SOS1: variants seen among roughly 807,000 people sequenced by gnomAD.
SOS1 encodes the protein SOS Ras/Rac guanine nucleotide exchange factor 1, also known as son of sevenless homolog 1.
SOS1 carries 25 observed loss-of-function variants against 157.6 expected under a neutral mutation model. The ratio of observed to expected loss-of-function variants is 0.16; its 90% CI spans 0.12 to 0.22. The LOEUF (loss-of-function observed/expected upper bound fraction) is 0.22, where lower values mean the gene tolerates loss of function less well. SOS1 is among the 10% of genes least tolerant of loss of function. The pLI, the probability that SOS1 is intolerant of heterozygous loss-of-function variation, is 1.00. For missense variants in SOS1, 1,237 were observed against 1,599.1 expected (o/e 0.77, Z 3.86); for synonymous variants, 528 against 534.0 (o/e 0.99, Z 0.16).
chr2:39,095,702 T>C (rs1368514307), intron 1 of SOS1, among the ~76,000 whole-genome samples: 7 of 152,348 alleles, frequency 4.6e-5, no homozygotes, highest in Non-Finnish European at 7.3e-5. Flanking sequence ...ATTATTTCAG[T>C]TCCACATATT....
At position 39,120,691 on chromosome 2, in the gene SOS1, C is replaced by T. The variant is rs1181276089; in HGVS notation, c.-269G>A. Among the ~76,000 whole-genome samples the T allele has an allele frequency of 1.9e-4, 28 of 146,798 alleles. No individual in the cohort carries two copies. Among genetic ancestry groups the T allele is most frequent in the East Asian group, 5.9e-4 (3 of 5,110 alleles). ...CCCGCACCACCGCCCCGGGGCCAGG[C>T]CCCCCGCCCCTCCCCGGCCCGCCGG... On this transcript the variant is annotated 5_prime_UTR_variant, in exon 1 of 23. Transcript: ENST00000402219.
In SOS1 at chr2:39,007,111, A is replaced by C. The variant is rs2124503349; in HGVS notation, c.2593T>G (p.Leu865Val). 6.2e-7 allele frequency: 1 copy of C among 1,607,152 alleles called. No individual in the cohort carries two copies. Among genetic ancestry groups the C allele is most frequent in the Non-Finnish European group, 8.5e-7 (1 of 1,173,770 alleles). Residue 865 changes from leucine to valine, a missense_variant, in exon 16 of 23, where the codon TTG (leucine) becomes GTG (valine). By Grantham distance (32) the Leu-to-Val change is conservative. This residue lies in a region of SOS1 where 105 missense variants were observed against 236.0 expected (regional missense o/e 0.44). Coordinates refer to ENST00000402219, the MANE Select transcript of SOS1 (RefSeq NM_005633.4). ...IIEILQVFQE[L>V]NNFNGVLEVV... ...TCAAGGACACCATTAAAGTTGTTCAACTCTTGAAAGACTTGTAGAATCTCA... is the reference window on the plus strand; with the variant it reads ...TCAAGGACACCATTAAAGTTGTTCACCTCTTGAAAGACTTGTAGAATCTCA...
chr2:39,070,842 C>T (rs954436399), intron 1 of SOS1, among the ~76,000 whole-genome samples: 9 of 152,074 alleles, frequency 5.9e-5, no homozygotes, highest in Admixed American at 4.6e-4. Context: ...CTTTAGAAGT[C>T]ATTTAACTAA....
At chr2:39,061,435 TGGAGTGCA>T (rs1671400658) in intron 2 of SOS1, among the ~76,000 whole-genome samples, 1 of 152,186 alleles carries the variant, frequency 6.6e-6, no homozygotes, top group African/African-American at 2.4e-5. Flanking sequence ...TCACCCGAGC[TGGAGTGCA>T]ATGATGCAAT....
At chr2:39,084,890 C>G (rs1672320387) in intron 1 of SOS1, among the ~76,000 whole-genome samples, 1 of 152,126 alleles carries the variant, frequency 6.6e-6, no homozygotes, top group Non-Finnish European at 1.5e-5. Context: ...AAAAGAGTCT[C>G]TGATGATTTT....
chr2:39,001,557 A>G (rs541933796), intron 17 of SOS1, among the ~76,000 whole-genome samples: 4 of 152,350 alleles, frequency 2.6e-5, no homozygotes, highest in African/African-American at 7.2e-5. Flanking sequence ...TAGAGGAAGT[A>G]TCAGCTACTA....
Position 39,022,845 on chromosome 2 carries a change from G to A in SOS1, c.1583C>T (p.Ala528Val). The change falls in exon 10 of 23, where the codon GCC (alanine) becomes GTC (valine). Residue 528 changes from alanine to valine, a missense_variant. Ala to Val is a moderately conservative substitution (Grantham distance 64). Coordinates refer to ENST00000402219, the MANE Select transcript of SOS1 (RefSeq NM_005633.4). ...LKDENSVIFS[A>V]KSAEEKNNWM... ...ATTGTTTTTCTCTTCAGCTGACTTGGCAGAAAATATAACACTATTTTCATC... is the reference window on the plus strand; with the variant it reads ...ATTGTTTTTCTCTTCAGCTGACTTGACAGAAAATATAACACTATTTTCATC... 1 of 1,613,204 alleles carries A rather than the reference G, an allele frequency of 6.2e-7. No homozygotes were observed. The highest frequency in any genetic ancestry group is 1.1e-5 in the South Asian group (1 of 91,054).
At chr2:39,069,486 G>GT (rs1671723473) in intron 1 of SOS1, among the ~76,000 whole-genome samples, 1 of 152,132 alleles carries the variant, frequency 6.6e-6, no homozygotes, top group Non-Finnish European at 1.5e-5. Context: ...AAATAGCATT[G>GT]TAACAATCCA....
chr2:39,010,321 A>G, intron 15 of SOS1, among the ~76,000 whole-genome samples: 1 of 151,660 alleles, frequency 6.6e-6, no homozygotes. Flanking sequence ...GTCTCAAAAA[A>G]AAAAAAAAAG....
intron 1 of SOS1, among the ~76,000 whole-genome samples, chr2:39,101,693 A>AC (rs1553370084): frequency 5.3e-5 from 8 of 152,108 alleles, no homozygotes; most frequent in African/African-American, 1.9e-4. Context: ...CCTCCATAAA[A>AC]TGCTTGACAA....
At chr2:39,005,105 T>C (rs938402843) in intron 17 of SOS1, among the ~76,000 whole-genome samples, 1 of 152,210 alleles carries the variant, frequency 6.6e-6, no homozygotes, top group Non-Finnish European at 1.5e-5. Context: ...TACTAAACCC[T>C]ATACATACAT....
intron 10 of SOS1, among the ~76,000 whole-genome samples, chr2:39,019,544 G>A (rs1669730163): frequency 6.6e-6 from 1 of 151,602 alleles, no homozygotes; most frequent in Admixed American, 6.6e-5. Flanking sequence ...GATATAGTCA[G>A]CAAATTATGA....
Position 39,007,202 on chromosome 2 carries a change from A to AG in SOS1, c.2511-10_2511-9insC. The AG allele has an allele frequency of 6.9e-7, 1 of 1,453,174 alleles. No individual in the cohort carries two copies. The highest frequency in any genetic ancestry group is 9.6e-7 in the Non-Finnish European group (1 of 1,039,060). 90.0% of individuals were successfully genotyped at this position (1,453,174 alleles called of 1,614,324 possible). ...CAGTTTCTACAATACATCTGGGAAT[A>AG]AAAAAAAAGTGAACTAAAGGTTTTA... is the stretch of plus-strand genomic sequence containing the variant. On this transcript the variant is annotated splice_polypyrimidine_tract_variant and intron_variant, in intron 15 of 22. Coordinates refer to ENST00000402219, the MANE Select transcript of SOS1 (RefSeq NM_005633.4).
chr2:39,009,067 C>T (rs1245590565), intron 15 of SOS1, among the ~76,000 whole-genome samples: 1 of 151,736 alleles, frequency 6.6e-6, no homozygotes, highest in African/African-American at 2.4e-5. Flanking sequence ...ATTATGAATA[C>T]GGTCACGGAA....
intron 6 of SOS1, 107 bp from the exon 7 acceptor site, chr2:39,035,607 G>A (rs1281028782): frequency 6.5e-6 from 5 of 770,474 alleles, no homozygotes; most frequent in Non-Finnish European, 1.1e-5. Flanking sequence ...GTCTTTGAAA[G>A]TCTCTAAGCA....
chr2:39,018,566 T>C (rs908271604), intron 10 of SOS1, among the ~76,000 whole-genome samples: 2 of 151,862 alleles, frequency 1.3e-5, no homozygotes, highest in Non-Finnish European at 1.5e-5. Context: ...TTCAAAATTT[T>C]AGGAACTCAG....
intron 6 of SOS1, among the ~76,000 whole-genome samples, chr2:39,048,986 C>T (rs1253163606): frequency 6.6e-6 from 1 of 152,090 alleles, no homozygotes; most frequent in Non-Finnish European, 1.5e-5. Context: ...GGTGCGATCT[C>T]GGCTCACTGC....
chr2:39,018,175 G>T (rs1669686369), intron 10 of SOS1, among the ~76,000 whole-genome samples: 2 of 151,660 alleles, frequency 1.3e-5, no homozygotes, highest in South Asian at 4.2e-4. Flanking sequence ...TATAATCCTA[G>T]AAAAAAATTA....
chr2:39,019,539 A>G (rs2124529692), intron 10 of SOS1, among the ~76,000 whole-genome samples: 1 of 151,838 alleles, frequency 6.6e-6, no homozygotes, highest in Middle Eastern at 3.4e-3. Flanking sequence ...GTTCTGATAT[A>G]GTCAGCAAAT....
Sources: gnomAD v4.1 joint callset for allele counts (sites outside exome capture counted in the v4.1 genomes callset) on GRCh38, gnomAD v4.1.1 for gene constraint, gnomAD v4.1.1 regional missense constraint, MANE v1.5 for transcripts, NCBI Gene and HGNC (gene_info 2026-07-23, HGNC 2026-07-21) for gene names.